ARHGAP24: variants seen among roughly 807,000 people sequenced by gnomAD.
The protein encoded by ARHGAP24 is rho GTPase-activating protein 24.
In ARHGAP24, 50 loss-of-function variants were observed where a neutral mutation model predicts 76.4. That is an observed-to-expected ratio of 0.65 (90% CI 0.52 to 0.83). ARHGAP24 has a LOEUF of 0.83. Ranked by LOEUF, ARHGAP24 falls within the 40% of genes least tolerant of loss-of-function variation. The probability of loss-of-function intolerance (pLI) is 0.00; values close to 1 mark genes in which losing one functional copy is unlikely to be tolerated. For missense variants in ARHGAP24, 930 were observed against 914.2 expected, an observed-to-expected ratio of 1.02 and a Z score of -0.22; for synonymous variants, 345 against 323.3, an observed-to-expected ratio of 1.07 and a Z score of -0.72.
At chr4:85,995,777 C>T in intron 9 of ARHGAP24, 120 bp downstream of exon 9, 1 of 994,176 alleles carries the variant, frequency 1.0e-6, no homozygotes, top group Non-Finnish European at 1.5e-6. Context: ...CAAGTTTGCT[C>T]CATCATTTAT....
At chr4:85,836,066 C>A (rs1730270632) in intron 3 of ARHGAP24, among the ~76,000 whole-genome samples, 1 of 151,436 alleles carries the variant, frequency 6.6e-6, no homozygotes, top group African/African-American at 2.4e-5. Flanking sequence ...ATTATTGACA[C>A]CTGCAGTGAC....
chr4:85,706,486 T>A (rs564507177), intron 2 of ARHGAP24, among the ~76,000 whole-genome samples: 9 of 152,232 alleles, frequency 5.9e-5, no homozygotes, highest in African/African-American at 1.9e-4. Flanking sequence ...TTTAAAAATC[T>A]AGTGAAACAG....
chr4:85,677,827 T>A (rs1723037732), intron 2 of ARHGAP24, among the ~76,000 whole-genome samples: 2 of 152,210 alleles, frequency 1.3e-5, no homozygotes, highest in Non-Finnish European at 2.9e-5. Flanking sequence ...TTTACTAGTT[T>A]ATCAAGTTTT....
chr4:85,624,047 A>G (rs1720824962), intron 2 of ARHGAP24, among the ~76,000 whole-genome samples: 1 of 152,112 alleles, frequency 6.6e-6, no homozygotes, highest in South Asian at 2.1e-4. Context: ...GGACAATTTG[A>G]CTTCCTTTTT....
intron 2 of ARHGAP24, among the ~76,000 whole-genome samples, chr4:85,610,828 AC>A (rs1296261858): frequency 2.6e-5 from 4 of 152,156 alleles, no homozygotes; most frequent in Non-Finnish European, 5.9e-5. Flanking sequence ...GGTGGCTCTT[AC>A]ATTTTTACTT....
chr4:85,780,477 T>A (rs1229199014), intron 3 of ARHGAP24, among the ~76,000 whole-genome samples: 2 of 151,174 alleles, frequency 1.3e-5, no homozygotes, highest in South Asian at 2.1e-4. Context: ...CAGCCTTTTT[T>A]TAATTCTTGT....
At chr4:85,786,548 C>A (rs1447507024) in intron 3 of ARHGAP24, among the ~76,000 whole-genome samples, 1 of 152,306 alleles carries the variant, frequency 6.6e-6, no homozygotes, top group East Asian at 1.9e-4. Context: ...CCACAGTATT[C>A]TCTGAAGTAA....
intron 3 of ARHGAP24, among the ~76,000 whole-genome samples, chr4:85,744,283 T>C (rs1412593080): frequency 1.3e-5 from 2 of 152,228 alleles, no homozygotes; most frequent in Non-Finnish European, 2.9e-5. Flanking sequence ...GCTTCAATCC[T>C]GGAGAGGCAA....
At chr4:85,679,496 G>C (rs1374432767) in intron 2 of ARHGAP24, among the ~76,000 whole-genome samples, 1 of 152,112 alleles carries the variant, frequency 6.6e-6, no homozygotes, top group African/African-American at 2.4e-5. Context: ...CTTCAGAGAA[G>C]TCACCCCTGC....
At chr4:85,845,499 T>C (rs1047777790) in intron 3 of ARHGAP24, among the ~76,000 whole-genome samples, 1 of 152,166 alleles carries the variant, frequency 6.6e-6, no homozygotes, top group Non-Finnish European at 1.5e-5. Flanking sequence ...ATATAAATCA[T>C]TAGTGTGTAT....
chr4:85,663,525 A>G (rs1239603646), intron 2 of ARHGAP24, among the ~76,000 whole-genome samples: 3 of 148,886 alleles, frequency 2.0e-5, no homozygotes, highest in South Asian at 4.2e-4. Flanking sequence ...TCTCCTGCCT[A>G]ATTGCCCTGG....
chr4:85,649,876 A>G (rs1472910933), intron 2 of ARHGAP24, among the ~76,000 whole-genome samples: 1 of 152,154 alleles, frequency 6.6e-6, no homozygotes, highest in Non-Finnish European at 1.5e-5. Flanking sequence ...ATTAGGCTTC[A>G]TAATGCCTTT....
chr4:85,627,859 C>T (rs1305254551), intron 2 of ARHGAP24, among the ~76,000 whole-genome samples: 5 of 152,182 alleles, frequency 3.3e-5, no homozygotes, highest in Admixed American at 6.5e-5. Flanking sequence ...ACTCCGTGGG[C>T]GTAGGACCCT....
chr4:85,478,022 GA>G (rs1312350336), intron 1 of ARHGAP24, among the ~76,000 whole-genome samples: 6 of 152,144 alleles, frequency 3.9e-5, no homozygotes, highest in African/African-American at 1.4e-4. Flanking sequence ...GGGTGCTTTG[GA>G]AAAACAAGAT....
intron 2 of ARHGAP24, among the ~76,000 whole-genome samples, chr4:85,643,224 G>GT (rs1333138659): frequency 4.9e-5 from 5 of 101,552 alleles, no homozygotes; most frequent in Admixed American, 1.0e-4. Flanking sequence ...TTTATTTTCC[G>GT]TTTTTTTGTG....
chr4:85,723,194 A>G (rs987011231), intron 3 of ARHGAP24: 3 of 152,206 alleles, frequency 2.0e-5, no homozygotes, highest in African/African-American at 7.2e-5. Flanking sequence ...GTCTTTTCCG[A>G]TTTATTCTCA....
chr4:85,872,368 C>T (rs1017287948), intron 3 of ARHGAP24, among the ~76,000 whole-genome samples: 1 of 151,828 alleles, frequency 6.6e-6, no homozygotes, highest in Non-Finnish European at 1.5e-5. Flanking sequence ...ATGATCTTGG[C>T]TCACTGCAAC....
In ARHGAP24 at chr4:85,995,310, T is replaced by G. The variant is rs369425283; in HGVS notation, c.1656T>G (p.Ser552Arg). ...MNLDDKQSID[S>R]ATWSTSSCEI... ...TTGATGACAAGCAGAGCATTGACAG[T>G]GCTACCTGGTCCACTTCCTCCTGTG... Residue 552 changes from serine (S) to arginine (R), a missense_variant, in exon 9 of 10, where the codon AGT becomes AGG. By Grantham distance (110) the Ser-to-Arg change is moderately radical. Coordinates refer to ENST00000395184, the MANE Select transcript of ARHGAP24 (RefSeq NM_001025616.3). 9 of 1,613,924 alleles carry G rather than the reference T, an allele frequency of 5.6e-6. No homozygotes were observed. The highest frequency in any genetic ancestry group is 7.6e-6 in the Non-Finnish European group (9 of 1,180,026).
intron 1 of ARHGAP24, among the ~76,000 whole-genome samples, chr4:85,501,241 G>C (rs1435419410): frequency 6.6e-6 from 1 of 152,188 alleles, no homozygotes; most frequent in Admixed American, 6.5e-5. Flanking sequence ...TATACACCTG[G>C]TAATGGGATG....
Sources: gnomAD v4.1 joint callset for allele counts (sites outside exome capture counted in the v4.1 genomes callset) on GRCh38, gnomAD v4.1.1 for gene constraint, MANE v1.5 for transcripts, NCBI Gene and HGNC (gene_info 2026-07-23, HGNC 2026-07-21) for gene names.